SORCS1: variants seen among roughly 807,000 people sequenced by gnomAD.
The protein encoded by SORCS1 is sortilin related VPS10 domain containing receptor 1, also known as VPS10 domain-containing receptor SorCS1.
SORCS1 carries 60 observed loss-of-function variants against 146.1 expected under a neutral mutation model. That is an observed-to-expected ratio of 0.41 (90% CI 0.33 to 0.51). The LOEUF is 0.51. SORCS1 is among the 20% of genes least tolerant of loss of function. The pLI, the probability that SORCS1 is intolerant of heterozygous loss-of-function variation, is 0.21. For missense variants in SORCS1, 1,352 were observed against 1,487.6 expected (o/e 0.91, Z 1.50); for synonymous variants, 637 against 584.0 (o/e 1.09, Z -1.31).
intron 18 of SORCS1, among the ~76,000 whole-genome samples, chr10:106,634,104 G>C (rs965143094): frequency 6.6e-6 from 1 of 152,200 alleles, no homozygotes; most frequent in Admixed American, 6.5e-5. Flanking sequence ...GCTGGGAATG[G>C]AAAGACTAAA....
At chr10:106,969,511 G>T (rs2139183488) in intron 1 of SORCS1, among the ~76,000 whole-genome samples, 1 of 152,316 alleles carries the variant, frequency 6.6e-6, no homozygotes. Context: ...GTTGAAAGAA[G>T]TAGATCTAGG....
chr10:106,733,372 C>G (rs1856745498), intron 5 of SORCS1, among the ~76,000 whole-genome samples: 1 of 152,146 alleles, frequency 6.6e-6, no homozygotes, highest in African/African-American at 2.4e-5. Context: ...CTAGCAGTTA[C>G]AGATGATAAA....
intron 5 of SORCS1, among the ~76,000 whole-genome samples, chr10:106,751,870 C>T (rs1858271125): frequency 6.6e-6 from 1 of 152,134 alleles, no homozygotes; most frequent in African/African-American, 2.4e-5. Context: ...GCTCTATTTA[C>T]TGTAGTACAC....
intron 1 of SORCS1, among the ~76,000 whole-genome samples, chr10:106,992,128 G>A (rs1353822400): frequency 6.6e-6 from 1 of 152,162 alleles, no homozygotes; most frequent in African/African-American, 2.4e-5. Flanking sequence ...TGGACAGGCT[G>A]TTGGATGCTT....
intron 1 of SORCS1, among the ~76,000 whole-genome samples, chr10:107,067,362 C>T (rs1164821651): frequency 6.6e-6 from 1 of 151,636 alleles, no homozygotes; most frequent in Non-Finnish European, 1.5e-5. Context: ...TAACCATCTC[C>T]TAATCCTTGC....
intron 2 of SORCS1, among the ~76,000 whole-genome samples, chr10:106,867,622 A>C (rs996600776): frequency 1.3e-5 from 2 of 152,222 alleles, no homozygotes; most frequent in Admixed American, 6.5e-5. Flanking sequence ...TCCTCACCAC[A>C]GATTTCATAT....
In SORCS1 at chr10:106,960,365, T is replaced by C. The variant is rs533139736; in HGVS notation, c.559-3785A>G. ...GCCACATCTATCGCTTACACAACTT[T>C]TGGGAGGAACTTCACTTGGTCCATA... On this transcript the variant is annotated intron_variant, in intron 1 of 25. Coordinates refer to ENST00000263054, the MANE Select transcript of SORCS1 (RefSeq NM_052918.5). This position sits in a 1 kb window ranked among gnomAD's most constrained non-coding sequence, Gnocchi z 4.4. Among the ~76,000 whole-genome samples, 1 of 152,252 alleles carries C rather than the reference T, an allele frequency of 6.6e-6. No homozygotes were observed. Among genetic ancestry groups the C allele is most frequent in the East Asian group, 1.9e-4 (1 of 5,174 alleles).
intron 1 of SORCS1, among the ~76,000 whole-genome samples, chr10:107,041,578 T>C (rs185942889): frequency 1.3e-5 from 2 of 152,234 alleles, no homozygotes; most frequent in Admixed American, 1.3e-4. Flanking sequence ...AATTTGCAAT[T>C]GAAATACACT....
At chr10:106,794,897 T>C (rs951245510) in intron 3 of SORCS1, among the ~76,000 whole-genome samples, 1 of 152,194 alleles carries the variant, frequency 6.6e-6, no homozygotes, top group Non-Finnish European at 1.5e-5. Flanking sequence ...TCAATAGGTA[T>C]TTGAGTTGAG....
At chr10:106,922,949 C>T (rs555879872) in intron 2 of SORCS1, among the ~76,000 whole-genome samples, 217 of 148,920 alleles carry the variant, frequency 1.5e-3, no homozygotes, top group Admixed American at 2.2e-3. Context: ...AGTGTGGTGG[C>T]GCAATCTCAG....
intron 2 of SORCS1, among the ~76,000 whole-genome samples, chr10:106,878,165 CTT>C (rs35701765): frequency 7.1e-5 from 10 of 141,002 alleles, no homozygotes; most frequent in Admixed American, 2.1e-4. Flanking sequence ...GCAGACAGGG[CTT>C]TTTTTTTTTT....
intron 17 of SORCS1, among the ~76,000 whole-genome samples, chr10:106,664,820 TA>T (rs921622259): frequency 6.1e-4 from 91 of 148,198 alleles, no homozygotes; most frequent in East Asian, 1.2e-3. Context: ...TTGAGCTGGT[TA>T]AAAAAAAAAA....
chr10:107,087,945 G>T (rs1590106843), intron 1 of SORCS1, among the ~76,000 whole-genome samples: 1 of 152,138 alleles, frequency 6.6e-6, no homozygotes, highest in East Asian at 1.9e-4. Flanking sequence ...TTGAGACGGA[G>T]TCTCGCTCTG....
At chr10:107,173,390 CA>C in the SORCS1 span, among the ~76,000 whole-genome samples, 1 of 151,704 alleles carries the variant, frequency 6.6e-6, no homozygotes, top group Admixed American at 6.6e-5. Context: ...CTTACCACAC[CA>C]AAAAAAGTAG....
chr10:106,769,295 C>T lies in SORCS1; in HGVS notation c.885+7239G>A, dbSNP rs190521449. On this transcript the variant is annotated intron_variant, in intron 4 of 25. Coordinates refer to ENST00000263054, the MANE Select transcript of SORCS1 (RefSeq NM_052918.5). ...GGTCAGGAGTTTGAGGCCAGCCTGG[C>T]CAACACAGTGAAGCCCCGTCTCTAC... is the stretch of plus-strand genomic sequence containing the variant. Among the ~76,000 whole-genome samples, 657 of 151,968 alleles carry T rather than the reference C, an allele frequency of 4.3e-3. 5 individuals are homozygous for T. The highest frequency in any genetic ancestry group is 0.015 in the African/African-American group (640 of 41,456).
chr10:106,901,214 T>C (rs1348974072), intron 2 of SORCS1, among the ~76,000 whole-genome samples: 2 of 152,128 alleles, frequency 1.3e-5, no homozygotes, highest in African/African-American at 4.8e-5. Flanking sequence ...TTACCCAGGA[T>C]AGGAGGGATT....
At chr10:107,074,451 A>G (rs1962713716) in intron 1 of SORCS1, among the ~76,000 whole-genome samples, 1 of 152,210 alleles carries the variant, frequency 6.6e-6, no homozygotes, top group Non-Finnish European at 1.5e-5. Flanking sequence ...ACCTACCAGA[A>G]AGCATTTTTG....
intron 1 of SORCS1, among the ~76,000 whole-genome samples, chr10:107,104,406 C>T (rs940522967): frequency 6.6e-5 from 10 of 152,312 alleles, no homozygotes; most frequent in African/African-American, 2.4e-4. Context: ...GTCTGGCTTT[C>T]GTCACCTTCC....
intron 1 of SORCS1, among the ~76,000 whole-genome samples, chr10:107,149,388 G>A (rs1308575784): frequency 4.6e-5 from 7 of 151,976 alleles, no homozygotes; most frequent in East Asian, 1.9e-4. Flanking sequence ...AAAAAAAATC[G>A]CGCTTTAATC....
Sources: gnomAD v4.1 joint callset for allele counts (sites outside exome capture counted in the v4.1 genomes callset) on GRCh38, gnomAD v4.1.1 for gene constraint, Gnocchi (gnomAD v3.1) non-coding constraint, MANE v1.5 for transcripts, NCBI Gene and HGNC (gene_info 2026-07-23, HGNC 2026-07-21) for gene names.